ARIH2: variants seen among roughly 807,000 people sequenced by gnomAD.
ARIH2 encodes ariadne RBR E3 ubiquitin protein ligase 2, also known as E3 ubiquitin-protein ligase ARIH2.
In ARIH2, 12 loss-of-function variants were observed where a neutral mutation model predicts 79.8. That is an observed-to-expected ratio of 0.15 (90% CI 0.10 to 0.24). The LOEUF is 0.24. Ranked by LOEUF, ARIH2 falls within the 10% of genes least tolerant of loss-of-function variation. The probability of loss-of-function intolerance (pLI) is 1.00; values close to 1 mark genes in which losing one functional copy is unlikely to be tolerated. For missense variants in ARIH2, 301 were observed against 618.3 expected, an observed-to-expected ratio of 0.49 and a Z score of 5.44; for synonymous variants, 224 against 213.9, an observed-to-expected ratio of 1.05 and a Z score of -0.41.
chr3:48,973,557 C>T, intron 8 of ARIH2, 142 bp from the exon 9 acceptor site: 1 of 545,938 alleles, frequency 1.8e-6, no homozygotes, highest in Non-Finnish European at 3.2e-6. Context: ...AGCCTGGCGA[C>T]AGAGCAAGAC....
intron 3 of ARIH2, among the ~76,000 whole-genome samples, chr3:48,953,427 G>A (rs141304874): frequency 4.6e-5 from 7 of 151,444 alleles, no homozygotes; most frequent in Non-Finnish European, 4.4e-5. Flanking sequence ...TATTTTAGAC[G>A]GAGTCTCGCT....
chr3:48,940,200 C>T (rs13090839), intron 3 of ARIH2, among the ~76,000 whole-genome samples: 11,535 of 151,826 alleles, frequency 0.076, 580 homozygotes, highest in Non-Finnish European at 0.1. Context: ...AGCGAGACTC[C>T]GTCTCAAAAA....
intron 8 of ARIH2, 173 bp downstream of exon 8, chr3:48,970,877 T>C (rs1215323829): frequency 3.6e-6 from 2 of 549,992 alleles, no homozygotes; most frequent in Non-Finnish European, 3.3e-6. Context: ...TTCCACTAGG[T>C]CTTCAATACA....
intron 3 of ARIH2, among the ~76,000 whole-genome samples, chr3:48,940,687 C>T (rs534907086): frequency 4.0e-5 from 6 of 150,638 alleles, no homozygotes; most frequent in Non-Finnish European, 8.8e-5. Flanking sequence ...CCTAGATACT[C>T]GGGAGGCTGA....
At position 48,927,604 on chromosome 3, in the gene ARIH2, G is replaced by T. The variant is rs200421825; in HGVS notation, c.46G>T (p.Asp16Tyr). The part of the protein sequence containing the change: ...NSQGSDSNEE[D>Y]YDPNCEEEEE... ...CCAGGGGTCTGACAGCAATGAAGAG[G>T]ACTATGACCCAAATTGTGAGGAAGA... Residue 16 changes from aspartate to tyrosine, a missense_variant, in exon 3 of 16, where the codon GAC (aspartate) becomes TAC (tyrosine). Transcript: ENST00000356401. The T allele has an allele frequency of 6.2e-7, 1 of 1,614,064 alleles. No individual in the cohort carries two copies. The highest frequency in any genetic ancestry group is 2.2e-5 in the East Asian group (1 of 44,888).
At chr3:48,960,007 A>G (rs1198920085) in intron 3 of ARIH2, among the ~76,000 whole-genome samples, 1 of 152,226 alleles carries the variant, frequency 6.6e-6, no homozygotes, top group East Asian at 1.9e-4. Context: ...TTACAGGTCC[A>G]TGGTAGCTCT....
chr3:48,920,400 T>TATGAA lies in ARIH2; in HGVS notation c.-162+1406_-162+1410dup, dbSNP rs1386079528. 7.0e-5 allele frequency among the ~76,000 whole-genome samples: 10 copies of TATGAA among 142,768 alleles called. No individual in the cohort carries two copies. The East Asian group carries it at 1.7e-3, about 25-fold the overall frequency. The allele number at this position is 142,768 out of a possible 152,430, so 93.7% of individuals were successfully genotyped here. ...TTAAATGTGCACCTAGAACATTTAG[T>TATGAA]ATGAAATGGAGTTCTCTCTCTTTTT... On this transcript the variant is annotated intron_variant, in intron 1 of 15. Transcript: ENST00000356401.
At position 48,927,937 on chromosome 3, in the gene ARIH2, A is replaced by T. The variant is rs974024944; in HGVS notation, c.255+124A>T. On this transcript the variant is annotated intron_variant, in intron 3 of 15. Coordinates refer to ENST00000356401, the MANE Select transcript of ARIH2 (RefSeq NM_006321.4). Reference sequence around the variant, plus strand: ...GTAGCTTGAAACCAAATTTAAGTGTATGTCAACATCATTTGGACATTTTGT... The same window carrying T: ...GTAGCTTGAAACCAAATTTAAGTGTTTGTCAACATCATTTGGACATTTTGT... The T allele has an allele frequency of 6.0e-6, 7 of 1,171,532 alleles. No individual in the cohort carries two copies. The African/African-American group carries it at 1.1e-4, about 18-fold the overall frequency. The allele number at this position is 1,171,532 out of a possible 1,614,324, so 72.6% of individuals were successfully genotyped here.
At chr3:48,981,112 T>G (rs568782007) in intron 13 of ARIH2, among the ~76,000 whole-genome samples, 38 of 150,834 alleles carry the variant, frequency 2.5e-4, no homozygotes, top group African/African-American at 9.3e-4. Context: ...GGTGCATTGC[T>G]TGAGCCCAGG....
rs1355707950 is a variant in ARIH2 at position 48,966,898 on chromosome 3, C to G, written c.388-227C>G. Among the ~76,000 whole-genome samples, 3 of 152,168 alleles carry G rather than the reference C, an allele frequency of 2.0e-5. No homozygotes were observed. The East Asian group carries it at 5.8e-4, about 29-fold the overall frequency. On this transcript the variant is annotated intron_variant, in intron 5 of 15. Coordinates refer to ENST00000356401, the MANE Select transcript of ARIH2 (RefSeq NM_006321.4). ...TTCAGCCTTGTTTCTGCCTCTGAAT[C>G]CTGGTGATTTTGCAAGCCCAGCCCA...
intron 6 of ARIH2, 40 bp downstream of exon 6, chr3:48,967,315 T>C: frequency 6.3e-7 from 1 of 1,593,764 alleles, no homozygotes; most frequent in Non-Finnish European, 8.6e-7. Flanking sequence ...TGGCATGAAG[T>C]GTTTATCTTT....
At chr3:48,952,008 A>G (rs2090020799) in intron 3 of ARIH2, among the ~76,000 whole-genome samples, 1 of 151,884 alleles carries the variant, frequency 6.6e-6, no homozygotes, top group Admixed American at 6.6e-5. Context: ...CAGTGACTAA[A>G]TTTTTCTAGC....
chr3:48,970,254 T>C (rs1264186924), intron 7 of ARIH2, among the ~76,000 whole-genome samples: 1 of 152,048 alleles, frequency 6.6e-6, no homozygotes, highest in East Asian at 1.9e-4. Context: ...AATGCATCGG[T>C]GCAATCAGCT....
At chr3:48,954,225 GCAGGCGGATCACAAGGT>G (rs2090328969) in intron 3 of ARIH2, among the ~76,000 whole-genome samples, 1 of 152,044 alleles carries the variant, frequency 6.6e-6, no homozygotes, top group East Asian at 1.9e-4. Flanking sequence ...GGAGGCCGAG[GCAGGCGGATCACAAGGT>G]CAGGAGATCG....
chr3:48,971,475 C>T (rs1047167388), intron 8 of ARIH2, among the ~76,000 whole-genome samples: 20 of 152,200 alleles, frequency 1.3e-4, no homozygotes, highest in Admixed American at 3.9e-4. Context: ...AAACTCCTGA[C>T]CTCGTGATCT....
intron 3 of ARIH2, among the ~76,000 whole-genome samples, chr3:48,951,718 A>G (rs2089982415): frequency 6.6e-6 from 1 of 152,156 alleles, no homozygotes; most frequent in Non-Finnish European, 1.5e-5. Flanking sequence ...TAGGTTATTC[A>G]TAACATTTTC....
At chr3:48,978,884 C>T (rs528574756) in intron 11 of ARIH2, among the ~76,000 whole-genome samples, 1 of 151,856 alleles carries the variant, frequency 6.6e-6, no homozygotes, top group Non-Finnish European at 1.5e-5. Flanking sequence ...TCGCTTGAAC[C>T]TGGGATGCAG....
chr3:48,967,371 G>T lies in ARIH2; in HGVS notation c.538+96G>T, dbSNP rs555012763. ...TCAAGTAAACTGAGTATTTTCTTCT[G>T]AGCCTGATTGGGGTTTTTATCATCA... On this transcript the variant is annotated intron_variant, in intron 6 of 15. Coordinates refer to ENST00000356401, the MANE Select transcript of ARIH2 (RefSeq NM_006321.4). The T allele has an allele frequency of 4.6e-5, 63 of 1,365,702 alleles. No individual in the cohort carries two copies. The African/African-American group carries it at 8.3e-4, about 18-fold the overall frequency. The allele number at this position is 1,365,702 out of a possible 1,614,324, so 84.6% of individuals were successfully genotyped here.
At chr3:48,978,415 T>TTGTGTG (rs34142276) in intron 11 of ARIH2, among the ~76,000 whole-genome samples, 20 of 90,690 alleles carry the variant, frequency 2.2e-4, no homozygotes, top group South Asian at 1.1e-3. Flanking sequence ...CCTGGCTAAT[T>TTGTGTG]TGTGTATGTG....
Sources: allele counts gnomAD v4.1 joint callset (sites outside exome capture counted in the v4.1 genomes callset), GRCh38; gene constraint gnomAD v4.1.1; transcripts MANE v1.5; gene names NCBI Gene and HGNC (gene_info 2026-07-23, HGNC 2026-07-21).